Variants in GUCY2D observed in about 807,000 individuals in gnomAD.
GUCY2D encodes the protein guanylate cyclase 2D, retinal, also known as retinal guanylyl cyclase 1.
A neutral mutation model predicts 101.3 loss-of-function variants in GUCY2D; 70 were observed. That is an observed-to-expected ratio of 0.69 (90% CI 0.57 to 0.84). The LOEUF (loss-of-function observed/expected upper bound fraction) is 0.84. Ranked by LOEUF, GUCY2D falls within the 40% of genes least tolerant of loss-of-function variation. GUCY2D has a pLI of 0.00. For missense variants in GUCY2D, 1,460 were observed against 1,542.5 expected, an observed-to-expected ratio of 0.95 and a Z score of 0.90; for synonymous variants, 688 against 670.7, an observed-to-expected ratio of 1.03 and a Z score of -0.40.
At chr17:8,007,022 A>G in intron 4 of GUCY2D, 38 bp from the exon 5 acceptor site, 1 of 1,535,286 alleles carries the variant, frequency 6.5e-7, no homozygotes, top group Non-Finnish European at 9.0e-7. Context: ...CTCCCCTGGC[A>G]TCGCTCCTCA....
At chr17:8,015,717 C>T (rs1375644774) in intron 15 of GUCY2D, 26 bp from the exon 16 acceptor site, 1 of 1,545,354 alleles carries the variant, frequency 6.5e-7, no homozygotes, top group Non-Finnish European at 8.8e-7. Context: ...CCCTGCTAGC[C>T]CCGCCGACCC....
chr17:8,007,370 G>T (rs2151800845), intron 5 of GUCY2D, 56 bp from the exon 6 acceptor site: 3 of 1,208,400 alleles, frequency 2.5e-6, no homozygotes, highest in East Asian at 4.6e-5. Context: ...ATCCCCTGCT[G>T]GTCTCTTCTG....
Position 8,014,876 on chromosome 17 carries a change from TG to T in GUCY2D, c.2595del (p.Lys866ArgfsTer14), listed in dbSNP as rs1200134985. On this transcript the variant is annotated frameshift_variant, in exon 14 of 20. Coordinates refer to ENST00000254854, the MANE Select transcript of GUCY2D (RefSeq NM_000180.4). LOFTEE classifies it high-confidence loss of function. This position sits in a 1 kb window ranked among gnomAD's most constrained non-coding sequence, Gnocchi z 4.0. Reference sequence around the variant, plus strand: ...ATCCCTAGGTCTGTGGCTGAGGCCTTGAAGACGGGGACACCAGTGGAGCCCG... The same window carrying T: ...ATCCCTAGGTCTGTGGCTGAGGCCTTAAGACGGGGACACCAGTGGAGCCCG... ...QMLPPSVAEA[L>X]KTGTPVEPEY... The T allele has an allele frequency of 1.9e-5, 31 of 1,614,008 alleles. No individual in the cohort carries two copies. Among genetic ancestry groups the T allele is most frequent in the African/African-American group, 2.7e-5 (2 of 74,900 alleles).
rs758629545 is a variant in GUCY2D, at chr17:8,003,581, A to T, written c.534A>T (p.Ala178=). 2.5e-6 allele frequency: 4 copies of T among 1,584,710 alleles called. No homozygotes were observed. The highest frequency in any genetic ancestry group is 3.4e-5 in the Admixed American group (2 of 59,032). Reference sequence around the variant, plus strand: ...ATGCCCTCTACGCCCTGCTTCGCGCATTCGGCTGGGCGCGCGTGGCCCTGG... The same window carrying T: ...ATGCCCTCTACGCCCTGCTTCGCGCTTTCGGCTGGGCGCGCGTGGCCCTGG... ...AADALYALLR[A]FGWARVALVT... Residue 178 remains alanine, a synonymous_variant, in exon 2 of 20, where the codon GCA becomes GCT. Transcript: ENST00000254854.
intron 18 of GUCY2D, 58 bp downstream of exon 18, chr17:8,016,348 G>T: frequency 5.5e-6 from 8 of 1,445,378 alleles, no homozygotes; most frequent in Non-Finnish European, 7.6e-6. Context: ...CTCCTGCTCT[G>T]TGTCTGACCC....
intron 3 of GUCY2D, among the ~76,000 whole-genome samples, chr17:8,004,913 G>T (rs148624438): frequency 2.0e-5 from 3 of 152,252 alleles, no homozygotes; most frequent in South Asian, 2.1e-4. Flanking sequence ...TCCAATGGAG[G>T]GGGGAGGGGT....
Position 8,003,407 on chromosome 17 carries a change from C to A in GUCY2D, c.360C>A (p.Arg120=). The change falls in exon 2 of 20, where the codon CGC becomes CGA. Residue 120 remains arginine, a synonymous_variant. Transcript: ENST00000254854. ...SLGAVSSALA[R]VSGLVGPVNP... ...GGGCCGTGTCCTCCGCGCTGGCCCG[C>A]GTGTCGGGCCTCGTGGGTCCGGTGA... The A allele has an allele frequency of 6.7e-7, 1 of 1,494,866 alleles. No individual in the cohort carries two copies. Among genetic ancestry groups the A allele is most frequent in the Non-Finnish European group, 8.9e-7 (1 of 1,129,516 alleles). 92.6% of individuals were successfully genotyped at this position (1,494,866 alleles called of 1,614,324 possible).
At chr17:8,015,566 C>T in intron 15 of GUCY2D, 64 bp downstream of exon 15, 1 of 1,472,140 alleles carries the variant, frequency 6.8e-7, no homozygotes, top group Non-Finnish European at 9.4e-7. Context: ...CCCAGATTTC[C>T]TGTAGAGGAG....
rs1975956523 is a variant in GUCY2D, at chr17:8,015,756, A to C, written c.2958A>C (p.Ala986=). 2 of 1,609,710 alleles carry C rather than the reference A, an allele frequency of 1.2e-6. No homozygotes were observed. Among genetic ancestry groups the C allele is most frequent in the Non-Finnish European group, 1.7e-6 (2 of 1,178,302 alleles). The change falls in exon 16 of 20, where the codon GCA becomes GCC. Residue 986 remains alanine (A), a synonymous_variant. Coordinates refer to ENST00000254854, the MANE Select transcript of GUCY2D (RefSeq NM_000180.4). ...GCATCTCCACAGGTCCATGCGTGGC[A>C]GGCGTGGTGGGCCTCACCATGCCGC... ...RIGLHSGPCV[A]GVVGLTMPRY... is the part of the protein sequence containing the mutation.
In GUCY2D at chr17:8,016,489, C is replaced by T. The variant is rs769818541; in HGVS notation, c.3271C>T (p.Arg1091Ter). 8 of 1,581,610 alleles carry T rather than the reference C, an allele frequency of 5.1e-6. No individual in the cohort carries two copies. Among genetic ancestry groups the T allele is most frequent in the Non-Finnish European group, 6.0e-6 (7 of 1,164,440 alleles). ...ISLQEIPPER[R>*]RKLEKARPGQ... ...CCTGCAGGAGATCCCACCCGAGCGGCGACGGAAGCTGGAGAAGGCGCGGCC... is the reference window on the plus strand; with the variant it reads ...CCTGCAGGAGATCCCACCCGAGCGGTGACGGAAGCTGGAGAAGGCGCGGCC... Residue 1091 changes from arginine to a stop codon, truncating the protein, a stop_gained, in exon 19 of 20, where the codon CGA becomes TGA. Coordinates refer to ENST00000254854, the MANE Select transcript of GUCY2D (RefSeq NM_000180.4). LOFTEE classifies it high-confidence loss of function.
At chr17:8,015,657 A>T in intron 15 of GUCY2D, 86 bp from the exon 16 acceptor site, 1 of 1,208,224 alleles carries the variant, frequency 8.3e-7, no homozygotes, top group Non-Finnish European at 1.2e-6. Context: ...GGTGGAGATA[A>T]TGGGTGCGAA....
chr17:8,017,120 A>G (rs1388563674), intron 19 of GUCY2D, among the ~76,000 whole-genome samples: 1 of 152,182 alleles, frequency 6.6e-6, no homozygotes, highest in Non-Finnish European at 1.5e-5. Flanking sequence ...CTCTGCCTCA[A>G]AGGATTTTGG....
In GUCY2D at chr17:8,003,325, G is replaced by A; in HGVS notation, c.278G>A (p.Gly93Asp). The A allele has an allele frequency of 6.7e-7, 1 of 1,483,180 alleles. No individual in the cohort carries two copies. Among genetic ancestry groups the A allele is most frequent in the Non-Finnish European group, 8.9e-7 (1 of 1,123,708 alleles). The allele number at this position is 1,483,180 out of a possible 1,614,324, so 91.9% of individuals were successfully genotyped here. A position where few individuals can be genotyped will look rare whatever the true frequency, so the allele number is the denominator to read the frequency against. The change falls in exon 2 of 20, where the codon GGT (glycine) becomes GAT (aspartate). Residue 93 changes from glycine to aspartate, a missense_variant. Coordinates refer to ENST00000254854, the MANE Select transcript of GUCY2D (RefSeq NM_000180.4). ...RLNRDPGLAG[G>D]PRFEVALLPE... ...AACCGCGACCCCGGCCTGGCAGGCG[G>A]TCCCCGCTTCGAGGTAGCGCTGCTG...
rs1477684822 is a variant in GUCY2D, at chr17:8,014,714, G to A, written c.2526G>A (p.Leu842=). 6.2e-7 allele frequency: 1 copy of A among 1,614,068 alleles called. No homozygotes were observed. The highest frequency in any genetic ancestry group is 1.1e-5 in the South Asian group (1 of 91,070). ...TGATCCGGGAGCGCACGGAGGAGCT[G>A]GAGCTGGAAAAGCAGAAGACAGACC... ...EDLIRERTEE[L]ELEKQKTDRL... Residue 842 remains leucine (L), a synonymous_variant, in exon 13 of 20, where the codon CTG becomes CTA. Coordinates refer to ENST00000254854, the MANE Select transcript of GUCY2D (RefSeq NM_000180.4). This position sits in a 1 kb window ranked among gnomAD's most constrained non-coding sequence, Gnocchi z 4.0.
At position 8,016,224 on chromosome 17, in the gene GUCY2D, C is replaced by G; in HGVS notation, c.3158C>G (p.Thr1053Ser). The part of the protein sequence containing the change: ...TELKGKGAED[T>S]FWLVGRRGFN... ...CCCCAGGGCAAGGGCGCCGAGGACA[C>G]TTTCTGGCTAGTGGGCAGACGCGGC... The change falls in exon 18 of 20, where the codon ACT (threonine) becomes AGT (serine). Residue 1053 changes from threonine (T) to serine (S), a missense_variant. Physicochemically the swap from Thr to Ser is moderately conservative, Grantham distance 58 (BLOSUM62 1). Around this residue, in one of 3 missense-constraint regions of GUCY2D, gnomAD observed 215 missense variants for 227.9 expected, o/e 0.94. Transcript: ENST00000254854. The G allele has an allele frequency of 1.3e-6, 2 of 1,591,648 alleles. No individual in the cohort carries two copies. The highest frequency in any genetic ancestry group is 2.3e-5 in the South Asian group (2 of 87,254).
In GUCY2D at chr17:8,009,597, G is replaced by A. The variant is rs759723474; in HGVS notation, c.1749+11G>A. 4 of 1,572,446 alleles carry A rather than the reference G, an allele frequency of 2.5e-6. No homozygotes were observed. In the East Asian group the frequency reaches 9.0e-5, roughly 35 times the overall value. On this transcript the variant is annotated intron_variant, in intron 8 of 19. Transcript: ENST00000254854. ...ACGGCCTTCTCCAAGGTGAGACTTG[G>A]GCCTGTGATGGGGCCTAGGTGGCCA...
In GUCY2D at chr17:8,016,308, G is replaced by C; in HGVS notation, c.3224+18G>C. On this transcript the variant is annotated intron_variant, in intron 18 of 19. Coordinates refer to ENST00000254854, the MANE Select transcript of GUCY2D (RefSeq NM_000180.4). ...CAACCGGGGTGAGGGGCCGGCCTCC[G>C]CGGCAGGGCGAGGGACGAGGGACCC... The C allele has an allele frequency of 6.5e-7, 1 of 1,541,384 alleles. No homozygotes were observed. The highest frequency in any genetic ancestry group is 8.8e-7 in the Non-Finnish European group (1 of 1,135,494).
rs755056200 is a variant in GUCY2D at position 8,008,049 on chromosome 17, C to G, written c.1668+17C>G. 1 of 1,492,074 alleles carries G rather than the reference C, an allele frequency of 6.7e-7. No homozygotes were observed. Among genetic ancestry groups the G allele is most frequent in the Admixed American group, 1.7e-5 (1 of 59,358 alleles). The allele number at this position is 1,492,074 out of a possible 1,614,324, so 92.4% of individuals were successfully genotyped here. ...GTCTATGAGGTGAGCCTGACCCCAGCCAGACAGAGAGACAGTGGGGGAAGA... is the reference window on the plus strand; with the variant it reads ...GTCTATGAGGTGAGCCTGACCCCAGGCAGACAGAGAGACAGTGGGGGAAGA... On this transcript the variant is annotated intron_variant, in intron 7 of 19. Coordinates refer to ENST00000254854, the MANE Select transcript of GUCY2D (RefSeq NM_000180.4).
Position 8,011,820 on chromosome 17 carries a change from C to A in GUCY2D, c.1750-324C>A, listed in dbSNP as rs867934473. On this transcript the variant is annotated intron_variant, in intron 8 of 19. Coordinates refer to ENST00000254854, the MANE Select transcript of GUCY2D (RefSeq NM_000180.4). The surrounding 1 kb of genome is among the most constrained non-coding windows in gnomAD (Gnocchi z 4.3). ...CTCCAGTCTGGGCAACAGAGTGAGA[C>A]CTCGTGTCTAAAAAAAAAGGCTTAT... 7.9e-5 allele frequency among the ~76,000 whole-genome samples: 12 copies of A among 152,212 alleles called. No individual in the cohort carries two copies. The South Asian group carries it at 2.5e-3, about 32-fold the overall frequency.
Sources: gnomAD v4.1 joint callset for allele counts (sites outside exome capture counted in the v4.1 genomes callset) on GRCh38, gnomAD v4.1.1 for gene constraint, gnomAD v4.1.1 regional missense constraint, Gnocchi (gnomAD v3.1) non-coding constraint, MANE v1.5 for transcripts, NCBI Gene and HGNC (gene_info 2026-07-23, HGNC 2026-07-21) for gene names.